The following SLC44A5 variants were observed in gnomAD, a reference collection of about 807,000 sequenced individuals.
SLC44A5 encodes the protein choline transporter-like protein 5.
In SLC44A5, 57 loss-of-function variants were observed where a neutral mutation model predicts 101.8. The observed-to-expected ratio is 0.56, with a 90% CI of 0.45 to 0.70. The LOEUF is 0.70. SLC44A5 is among the 30% of genes least tolerant of loss of function. SLC44A5 has a pLI of 0.00. For synonymous variants in SLC44A5, 281 were observed against 290.9 expected (o/e 0.97, Z 0.35); for missense variants, 737 against 853.1 (o/e 0.86, Z 1.70).
rs1570592963 is a variant in SLC44A5, at chr1:75,292,452, A to C, written c.175+8160T>G. Among the ~76,000 whole-genome samples the C allele has an allele frequency of 2.0e-5, 3 of 152,334 alleles. No individual in the cohort carries two copies. The South Asian group carries it at 6.2e-4, about 32-fold the overall frequency. On this transcript the variant is annotated intron_variant, in intron 5 of 23. Transcript: ENST00000370859. The stretch of plus-strand genomic sequence containing the variant: ...CTGGCCAAAGAATGAAATATTGCCT[A>C]CAATAATTTTATTTACTCCATAGTA...
intron 23 of SLC44A5, among the ~76,000 whole-genome samples, chr1:75,208,382 C>G (rs573738345): frequency 6.6e-6 from 1 of 152,210 alleles, no homozygotes; most frequent in African/African-American, 2.4e-5. Context: ...TGGTCTCGAA[C>G]TCCTGATCTC....
the SLC44A5 span, among the ~76,000 whole-genome samples, chr1:75,652,624 A>G: frequency 6.4e-4 from 98 of 152,258 alleles, 1 homozygote; most frequent in African/African-American, 2.3e-3. Flanking sequence ...GCAAGACCCT[A>G]TCACTACAAG....
intron 2 of SLC44A5, among the ~76,000 whole-genome samples, chr1:75,476,757 A>T (rs1667434373): frequency 6.6e-6 from 1 of 152,242 alleles, no homozygotes; most frequent in Admixed American, 6.5e-5. Flanking sequence ...GGAAGCTCGA[A>T]CTGGGTGGAG....
the SLC44A5 span, among the ~76,000 whole-genome samples, chr1:75,703,055 G>C: frequency 6.6e-6 from 1 of 150,818 alleles, no homozygotes; most frequent in Admixed American, 6.6e-5. Context: ...CTTTTACACT[G>C]TTGGTGGGAC....
chr1:75,280,682 G>A (rs1652465329), intron 5 of SLC44A5, among the ~76,000 whole-genome samples: 1 of 150,728 alleles, frequency 6.6e-6, no homozygotes, highest in South Asian at 2.1e-4. Context: ...CATGAGGGTG[G>A]TTCTACCATG....
chr1:75,676,545 A>G, the SLC44A5 span, among the ~76,000 whole-genome samples: 3 of 152,282 alleles, frequency 2.0e-5, no homozygotes, highest in South Asian at 2.1e-4. Context: ...GCTTGTTGGG[A>G]AAAAATGTTG....
rs58617518 is a variant in SLC44A5 at position 75,321,450 on chromosome 1, C to CAGAGAGAGAG, written c.101+18122_101+18131dup. Reference sequence around the variant, plus strand: ...GCCTTCTTGCTGTATTGTTATATGGCAGAGAGAGAGAGAGAGAGAGAGAGA... The same window carrying CAGAGAGAGAG: ...GCCTTCTTGCTGTATTGTTATATGGCAGAGAGAGAGAGAGAGAGAGAGAGAGAGAGAGAGA... On this transcript the variant is annotated intron_variant, in intron 4 of 23. Transcript: ENST00000370859. Among the ~76,000 whole-genome samples, 5 of 146,280 alleles carry CAGAGAGAGAG rather than the reference C, an allele frequency of 3.4e-5. No individual in the cohort carries two copies. In the Middle Eastern group the frequency reaches 0.014, roughly 415 times the overall value.
chr1:75,228,311 T>C (rs1472399770), intron 12 of SLC44A5, among the ~76,000 whole-genome samples: 1 of 152,176 alleles, frequency 6.6e-6, no homozygotes, highest in African/African-American at 2.4e-5. Context: ...GTGAACTAAA[T>C]CATTTTTATC....
chr1:75,420,604 T>C (rs1254436259), intron 2 of SLC44A5, among the ~76,000 whole-genome samples: 1 of 152,170 alleles, frequency 6.6e-6, no homozygotes, highest in East Asian at 1.9e-4. Flanking sequence ...GACTATTCAA[T>C]ATAAATTCCT....
intron 4 of SLC44A5, among the ~76,000 whole-genome samples, chr1:75,328,661 C>A (rs747786593): frequency 6.6e-6 from 1 of 152,160 alleles, no homozygotes; most frequent in African/African-American, 2.4e-5. Flanking sequence ...ATTAGATGAT[C>A]ATATGGCCCT....
intron 1 of SLC44A5, among the ~76,000 whole-genome samples, chr1:75,596,207 CA>C (rs1674625362): frequency 6.6e-6 from 1 of 151,758 alleles, no homozygotes. Flanking sequence ...CACATGCACA[CA>C]CACACACACA....
the SLC44A5 span, among the ~76,000 whole-genome samples, chr1:75,623,536 ATATAT>A: frequency 0.016 from 2,360 of 152,136 alleles, 52 homozygotes; most frequent in African/African-American, 0.051. Flanking sequence ...TATTGTACTG[ATATAT>A]TATATATTAT....
At chr1:75,290,596 G>A (rs1032101666) in intron 5 of SLC44A5, among the ~76,000 whole-genome samples, 3 of 152,112 alleles carry the variant, frequency 2.0e-5, no homozygotes, top group Non-Finnish European at 4.4e-5. Flanking sequence ...ATCAGCAAGA[G>A]AGTCAAAGGA....
intron 22 of SLC44A5, 95 bp downstream of exon 22, chr1:75,213,610 C>A: frequency 1.1e-6 from 1 of 942,226 alleles, no homozygotes; most frequent in Non-Finnish European, 1.7e-6. Flanking sequence ...TCCCAGCCTT[C>A]AGAACTGTGA....
At chr1:75,337,551 T>G (rs1657541532) in intron 4 of SLC44A5, among the ~76,000 whole-genome samples, 1 of 152,182 alleles carries the variant, frequency 6.6e-6, no homozygotes, top group Non-Finnish European at 1.5e-5. Flanking sequence ...AATCAATCAT[T>G]TTTTGATTCT....
the SLC44A5 span, among the ~76,000 whole-genome samples, chr1:75,633,493 G>T: frequency 6.6e-6 from 1 of 152,172 alleles, no homozygotes; most frequent in South Asian, 2.1e-4. Flanking sequence ...TTGCGAATGG[G>T]AGTTTACTCA....
chr1:75,501,517 A>G (rs901776511), intron 2 of SLC44A5, among the ~76,000 whole-genome samples: 1 of 152,226 alleles, frequency 6.6e-6, no homozygotes, highest in Non-Finnish European at 1.5e-5. Context: ...CAGTAAGCAT[A>G]ACTGATAATG....
the SLC44A5 span, chr1:75,677,889 A>C: frequency 9.1e-6 from 3 of 331,356 alleles, no homozygotes; most frequent in Non-Finnish European, 1.7e-5. Context: ...CAGTGGGCGC[A>C]GGTCAGTGGG....
At chr1:75,648,817 A>G in the SLC44A5 span, among the ~76,000 whole-genome samples, 1 of 96,566 alleles carries the variant, frequency 1.0e-5, no homozygotes, top group Admixed American at 1.0e-4. Context: ...CATTATGAGC[A>G]TGGGCAAACA....
Sources: allele counts gnomAD v4.1 joint callset (sites outside exome capture counted in the v4.1 genomes callset), GRCh38; gene constraint gnomAD v4.1.1; transcripts MANE v1.5; gene names NCBI Gene and HGNC (gene_info 2026-07-23, HGNC 2026-07-21).